Variants in ZNF584 observed in about 807,000 individuals in gnomAD.
The protein encoded by ZNF584 is zinc finger protein 584.
Under a neutral mutation model 14.7 loss-of-function variants are expected in ZNF584, and 12 were observed. The observed-to-expected ratio is 0.82, with a 90% CI of 0.52 to 1.32. The LOEUF is 1.32. Among genes scored for constraint, ZNF584 ranks in the 40% most tolerant of loss-of-function variants. ZNF584 has a pLI of 0.00. For missense variants in ZNF584, 478 were observed against 518.8 expected (o/e 0.92, Z 0.76); for synonymous variants, 204 against 190.9 (o/e 1.07, Z -0.57).
intron 2 of ZNF584, among the ~76,000 whole-genome samples, chr19:58,413,111 G>C (rs1239291138): frequency 6.6e-6 from 1 of 151,892 alleles, no homozygotes. Flanking sequence ...TGGTTTGTCG[G>C]TTCTCTTTTT....
chr19:58,405,176 C>G (rs1183952842), upstream of ZNF584: 1 of 147,394 alleles, frequency 6.8e-6, no homozygotes, highest in Non-Finnish European at 1.5e-5. Context: ...GGGGCTGACC[C>G]CCCCACCTCC....
intron 1 of ZNF584, 97 bp downstream of exon 1, chr19:58,409,262 G>C: frequency 7.7e-7 from 1 of 1,299,910 alleles, no homozygotes; most frequent in Middle Eastern, 2.3e-4. Flanking sequence ...ATCTGCGTAT[G>C]ATTCCAGGGG....
rs776029612 is a variant in ZNF584 at position 58,418,032 on chromosome 19, C to T, written c.*248C>T. ...CACCTCTATCCACCCCATAAGGTCC[C>T]TACAGCAAGTGGGACAGCAGACCTT... On this transcript the variant is annotated 3_prime_UTR_variant, in exon 4 of 4. Transcript: ENST00000306910. 1 of 522,962 alleles carries T rather than the reference C, an allele frequency of 1.9e-6. No homozygotes were observed. The highest frequency in any genetic ancestry group is 2.5e-5 in the South Asian group (1 of 39,352). 32.4% of individuals were successfully genotyped at this position (522,962 alleles called of 1,614,324 possible). A position where few individuals can be genotyped will look rare whatever the true frequency, so the allele number is the denominator to read the frequency against.
At chr19:58,410,869 A>G (rs984894943) in intron 2 of ZNF584, among the ~76,000 whole-genome samples, 13 of 129,144 alleles carry the variant, frequency 1.0e-4, no homozygotes, top group Non-Finnish European at 1.9e-4. Context: ...TCGGCTCACC[A>G]CAACCTCTGC....
Position 58,408,838 on chromosome 19 carries a change from C to T in ZNF584, c.-310C>T, listed in dbSNP as rs1444080877. The stretch of plus-strand genomic sequence containing the variant: ...AGCTCTGCGTGGGCCGGGGTGACTT[C>T]CTCGCGATCCCCTGCGCGAGGTGAA... On this transcript the variant is annotated 5_prime_UTR_variant, in exon 1 of 4. Transcript: ENST00000306910. The T allele has an allele frequency of 3.1e-6, 1 of 324,526 alleles. No individual in the cohort carries two copies. The highest frequency in any genetic ancestry group is 4.7e-5 in the East Asian group (1 of 21,186). The allele number at this position is 324,526 out of a possible 1,614,324, so 20.1% of individuals were successfully genotyped here.
chr19:58,406,342 A>AGGGGGGGG (rs1201178942), upstream of ZNF584: 1 of 49,496 alleles, frequency 2.0e-5, no homozygotes, highest in African/African-American at 6.1e-5. Context: ...CCGTGGAAAG[A>AGGGGGGGG]GCGGGGGGGG....
chr19:58,410,778 A>ATT lies in ZNF584; in HGVS notation c.169+717_169+718dup, dbSNP rs869150389. Reference sequence around the variant, plus strand: ...ATATATATATGTATATATATATATAATTTTTTTTTTTTTTTTTTTTTTTTT... The same window carrying ATT: ...ATATATATATGTATATATATATATAATTTTTTTTTTTTTTTTTTTTTTTTTTT... On this transcript the variant is annotated intron_variant, in intron 2 of 3. Coordinates refer to ENST00000306910, the MANE Select transcript of ZNF584 (RefSeq NM_173548.3). Among the ~76,000 whole-genome samples the ATT allele has an allele frequency of 6.6e-3, 59 of 8,932 alleles. 16 individuals are homozygous for ATT. The highest frequency in any genetic ancestry group is 8.0e-3 in the Non-Finnish European group (46 of 5,746). 5.9% of individuals were successfully genotyped at this position (8,932 alleles called of 152,430 possible).
chr19:58,410,777 A>T (rs1252810359), intron 2 of ZNF584, among the ~76,000 whole-genome samples: 3 of 8,076 alleles, frequency 3.7e-4, no homozygotes, highest in African/African-American at 3.6e-4. Context: ...ATATATATAT[A>T]ATTTTTTTTT....
intron 1 of ZNF584, chr19:58,401,741 TG>T (rs1181142787): frequency 6.8e-6 from 1 of 147,850 alleles, no homozygotes; most frequent in Non-Finnish European, 1.5e-5. Context: ...GACGAGTCTG[TG>T]GCACAGACTC....
At chr19:58,408,478 CAAAGCCAGCGCCG>C (rs954224864), upstream of ZNF584, 3 of 152,502 alleles carry the variant, frequency 2.0e-5, no homozygotes, top group Non-Finnish European at 2.9e-5. Flanking sequence ...CAAACCGCCC[CAAAGCCAGCGCCG>C]AAAGCCGACG....
At chr19:58,410,607 A>G (rs1361106868) in intron 2 of ZNF584, among the ~76,000 whole-genome samples, 2 of 44,404 alleles carry the variant, frequency 4.5e-5, no homozygotes, top group African/African-American at 4.3e-4. Flanking sequence ...ATATATGTAT[A>G]TATATGTGTA....
chr19:58,410,227 G>A (rs978023418), intron 2 of ZNF584, 136 bp downstream of exon 2: 7 of 1,168,694 alleles, frequency 6.0e-6, no homozygotes, highest in African/African-American at 5.7e-5. Flanking sequence ...GTGGGTGGTG[G>A]GACTCGGTGG....
At chr19:58,402,589 G>A (rs1346496604) in intron 1 of ZNF584, among the ~76,000 whole-genome samples, 1 of 152,162 alleles carries the variant, frequency 6.6e-6, no homozygotes, top group African/African-American at 2.4e-5. Context: ...TTGGGAGGCT[G>A]AGGTGGGCGG....
upstream of ZNF584, chr19:58,406,561 T>G (rs1435946895): frequency 6.6e-6 from 1 of 152,250 alleles, no homozygotes; most frequent in South Asian, 2.1e-4. Context: ...GCTAGTGACC[T>G]TGGTACCCAG....
At chr19:58,404,497 C>T (rs1359557730), upstream of ZNF584, 1 of 162,398 alleles carries the variant, frequency 6.2e-6, no homozygotes, top group African/African-American at 2.4e-5. Context: ...CGCCCTTAAT[C>T]CATTCAACCC....
At chr19:58,414,925 C>T (rs999976127) in intron 2 of ZNF584, among the ~76,000 whole-genome samples, 1 of 151,824 alleles carries the variant, frequency 6.6e-6, no homozygotes, top group African/African-American at 2.4e-5. Flanking sequence ...CAGAGTCTCG[C>T]ACTGTCGCCC....
At chr19:58,413,310 TTTTG>T (rs1263685635) in intron 2 of ZNF584, among the ~76,000 whole-genome samples, 1 of 152,056 alleles carries the variant, frequency 6.6e-6, no homozygotes, top group Non-Finnish European at 1.5e-5. Flanking sequence ...TCCCATAATT[TTTTG>T]TTTGTTGTGG....
In ZNF584 at chr19:58,409,221, G is replaced by C. The variant is rs772118930; in HGVS notation, c.18+56G>C. On this transcript the variant is annotated intron_variant, in intron 1 of 3. Transcript: ENST00000306910. The stretch of plus-strand genomic sequence containing the variant: ...GGGCCCACCAGGTGGGGGGCGGCGT[G>C]TGCCAGGGCAGAGTTGGAGGAGGGC... 4.6e-4 allele frequency: 640 copies of C among 1,388,166 alleles called. 2 individuals are homozygous for C. The highest frequency in any genetic ancestry group is 4.3e-3 in the Middle Eastern group (22 of 5,124). 86.0% of individuals were successfully genotyped at this position (1,388,166 alleles called of 1,614,324 possible). A position where few individuals can be genotyped will look rare whatever the true frequency, so the allele number is the denominator to read the frequency against.
chr19:58,402,650 C>T (rs537608520), intron 1 of ZNF584, among the ~76,000 whole-genome samples: 31 of 151,898 alleles, frequency 2.0e-4, no homozygotes, highest in African/African-American at 7.2e-4. Context: ...TGGAGAAACC[C>T]CATCTGTACT....
Sources: allele counts gnomAD v4.1 joint callset (sites outside exome capture counted in the v4.1 genomes callset), GRCh38; gene constraint gnomAD v4.1.1; transcripts MANE v1.5; gene names NCBI Gene and HGNC (gene_info 2026-07-23, HGNC 2026-07-21).